CLOCK: variants seen among roughly 807,000 people sequenced by gnomAD.
The protein encoded by CLOCK is circadian locomoter output cycles protein kaput.
CLOCK carries 43 observed loss-of-function variants against 118.4 expected under a neutral mutation model. The ratio of observed to expected loss-of-function variants is 0.36; its 90% CI spans 0.28 to 0.47. The LOEUF (loss-of-function observed/expected upper bound fraction) is 0.47, where lower values mean the gene tolerates loss of function less well. Among genes scored for constraint, CLOCK ranks in the 20% least tolerant of loss-of-function variants. CLOCK has a pLI of 1.00. For synonymous variants in CLOCK, 326 were observed against 339.2 expected (o/e 0.96, Z 0.43); for missense variants, 846 against 999.9 (o/e 0.85, Z 2.08).
At chr4:55,510,357 T>G (rs1179304954) in intron 1 of CLOCK, among the ~76,000 whole-genome samples, 1 of 152,074 alleles carries the variant, frequency 6.6e-6, no homozygotes, top group Non-Finnish European at 1.5e-5. Flanking sequence ...ACGGGTGCGG[T>G]GGCTCATGCC....
intron 3 of CLOCK, among the ~76,000 whole-genome samples, chr4:55,487,254 A>G (rs1727356400): frequency 1.3e-5 from 2 of 152,130 alleles, no homozygotes; most frequent in African/African-American, 2.4e-5. Context: ...TGTCTTGCAC[A>G]TAAGAGGTTT....
intron 18 of CLOCK, among the ~76,000 whole-genome samples, 178 bp downstream of exon 18, chr4:55,448,601 C>CGCGTGTGTGTGT (rs764071880): frequency 8.5e-6 from 1 of 116,980 alleles, no homozygotes; most frequent in Non-Finnish European, 1.8e-5. Context: ...CGCACGCGCG[C>CGCGTGTGTGTGT]GTGTGTGTGT....
At chr4:55,523,193 G>C (rs1365771819) in intron 1 of CLOCK, among the ~76,000 whole-genome samples, 1 of 152,038 alleles carries the variant, frequency 6.6e-6, no homozygotes, top group Non-Finnish European at 1.5e-5. Flanking sequence ...CCAGCTACTT[G>C]GGAGGCTGAG....
chr4:55,441,075 T>A (rs531420026), intron 21 of CLOCK, among the ~76,000 whole-genome samples: 52 of 152,346 alleles, frequency 3.4e-4, no homozygotes, highest in Non-Finnish European at 6.8e-4. Context: ...ATCTTTCTAT[T>A]GCTTTTACTA....
At chr4:55,461,851 C>T (rs1052275071) in intron 9 of CLOCK, among the ~76,000 whole-genome samples, 3 of 152,206 alleles carry the variant, frequency 2.0e-5, no homozygotes, top group Admixed American at 6.5e-5. Context: ...ATCTCCTTCA[C>T]TGGCTCTCTA....
chr4:55,527,302 A>C (rs963779080), intron 1 of CLOCK, among the ~76,000 whole-genome samples: 1 of 152,160 alleles, frequency 6.6e-6, no homozygotes, highest in Non-Finnish European at 1.5e-5. Flanking sequence ...TAAATCACTA[A>C]AAGTAGGTGA....
chr4:55,501,047 T>C (rs1480706414), intron 2 of CLOCK, among the ~76,000 whole-genome samples: 1 of 151,974 alleles, frequency 6.6e-6, no homozygotes, highest in African/African-American at 2.4e-5. Context: ...AGAGACGAGG[T>C]CTTGCTATGT....
intron 1 of CLOCK, among the ~76,000 whole-genome samples, chr4:55,543,263 A>G (rs372923998): frequency 4.1e-4 from 62 of 152,228 alleles, no homozygotes; most frequent in African/African-American, 1.4e-3. Context: ...CTCCATAACA[A>G]TTGGCCCCTC....
rs117294775 is a variant in CLOCK at position 55,438,640 on chromosome 4, T to A, written c.2106-103A>T. On this transcript the variant is annotated intron_variant, in intron 21 of 22. Transcript: ENST00000513440. ...TACCTAAGATAATACCCAATGACAT[T>A]GCCAGTTTGTTTTTCAAGGTCTGTA... The A allele has an allele frequency of 3.2e-4, 495 of 1,550,450 alleles. 3 individuals are homozygous for A. The East Asian group carries it at 0.011, about 35-fold the overall frequency.
chr4:55,508,968 T>C (rs954175866), intron 2 of CLOCK, among the ~76,000 whole-genome samples: 4 of 152,204 alleles, frequency 2.6e-5, no homozygotes, highest in Non-Finnish European at 2.9e-5. Context: ...ACCTAGATGG[T>C]ATAGCCTACT....
chr4:55,496,503 T>C (rs908901600), intron 2 of CLOCK, among the ~76,000 whole-genome samples: 5 of 152,220 alleles, frequency 3.3e-5, no homozygotes, highest in East Asian at 3.8e-4. Context: ...TATACACTTA[T>C]CATATTGATA....
Position 55,531,084 on chromosome 4 carries a change from A to C in CLOCK, c.-290+15698T>G, listed in dbSNP as rs1196650257. Among the ~76,000 whole-genome samples, 4 of 152,294 alleles carry C rather than the reference A, an allele frequency of 2.6e-5. No individual in the cohort carries two copies. In the East Asian group the frequency reaches 7.7e-4, roughly 29 times the overall value. ...CTCTAAAGAAAAAAAGACAATTACA[A>C]ACTGTGGGAGGAAAAGATGAACAAA... On this transcript the variant is annotated intron_variant, in intron 1 of 22. Coordinates refer to ENST00000513440, the MANE Select transcript of CLOCK (RefSeq NM_004898.4).
intron 1 of CLOCK, 138 bp from the exon 2 acceptor site, chr4:55,510,203 T>G (rs1349628984): frequency 6.6e-6 from 1 of 152,218 alleles, no homozygotes; most frequent in African/African-American, 2.4e-5. Context: ...AATGTGTCAA[T>G]AAATAGATCA....
chr4:55,459,810 G>A (rs1725198272), intron 9 of CLOCK, among the ~76,000 whole-genome samples: 1 of 152,090 alleles, frequency 6.6e-6, no homozygotes, highest in African/African-American at 2.4e-5. Context: ...CTACAGGTGT[G>A]AGCCACCATG....
chr4:55,511,822 C>A (rs1193386578), intron 1 of CLOCK, among the ~76,000 whole-genome samples: 1 of 152,072 alleles, frequency 6.6e-6, no homozygotes, highest in African/African-American at 2.4e-5. Context: ...CATAATTTTG[C>A]CTTTTCCAGA....
chr4:55,445,223 T>C (rs1488736118), intron 18 of CLOCK, among the ~76,000 whole-genome samples: 7 of 68,742 alleles, frequency 1.0e-4, no homozygotes, highest in South Asian at 1.3e-3. Flanking sequence ...CTATTGAAGA[T>C]AGAGTTAAAA....
rs905373135 is a variant in CLOCK, at chr4:55,468,340, T to C, written c.438+2377A>G. On this transcript the variant is annotated intron_variant, in intron 8 of 22. Transcript: ENST00000513440. The stretch of plus-strand genomic sequence containing the variant: ...CCATCTTCAATAACATCATTACATA[T>C]TAAAAACTGAAAACTCCCCCCAAAA... Among the ~76,000 whole-genome samples, 6 of 152,112 alleles carry C rather than the reference T, an allele frequency of 3.9e-5. No individual in the cohort carries two copies. In the East Asian group the frequency reaches 9.6e-4, roughly 24 times the overall value.
intron 22 of CLOCK, among the ~76,000 whole-genome samples, chr4:55,437,859 A>AT (rs1444031398): frequency 6.6e-6 from 1 of 152,216 alleles, no homozygotes; most frequent in Non-Finnish European, 1.5e-5. Flanking sequence ...GAAAAATTAT[A>AT]ATAAGATTGA....
chr4:55,501,978 A>G (rs1577808566), intron 2 of CLOCK, among the ~76,000 whole-genome samples: 2 of 152,318 alleles, frequency 1.3e-5, no homozygotes, highest in South Asian at 4.1e-4. Context: ...ACATAACTAC[A>G]ATATCATTAT....
Sources: gnomAD v4.1 joint callset for allele counts (sites outside exome capture counted in the v4.1 genomes callset) on GRCh38, gnomAD v4.1.1 for gene constraint, MANE v1.5 for transcripts, NCBI Gene and HGNC (gene_info 2026-07-23, HGNC 2026-07-21) for gene names.